Variants in APC observed in about 807,000 individuals in gnomAD.
APC encodes the protein adenomatous polyposis coli protein.
A neutral mutation model predicts 247.0 loss-of-function variants in APC; 72 were observed. The ratio of observed to expected loss-of-function variants is 0.29; its 90% CI spans 0.24 to 0.35. The LOEUF (loss-of-function observed/expected upper bound fraction) is 0.35. APC is among the 10% of genes least tolerant of loss of function. The probability of loss-of-function intolerance (pLI) is 1.00; values close to 1 mark genes in which losing one functional copy is unlikely to be tolerated. For synonymous variants in APC, 1,254 were observed against 1,162.5 expected (o/e 1.08, Z -1.60); for missense variants, 3,400 against 3,360.7 (o/e 1.01, Z -0.29).
intron 9 of APC, among the ~76,000 whole-genome samples, 197 bp downstream of exon 9, chr5:112,815,790 A>C (rs528916869): frequency 3.3e-5 from 5 of 152,252 alleles, no homozygotes; most frequent in African/African-American, 1.2e-4. Flanking sequence ...ACAAAAATTT[A>C]GCCAGTGTGG....
Position 112,841,053 on chromosome 5 carries a change from C to T in APC, c.5459C>T (p.Ser1820Phe), listed in dbSNP as rs879367927. Residue 1820 changes from serine (S) to phenylalanine (F), a missense_variant, in exon 16 of 16, where the codon TCC (serine) becomes TTC (phenylalanine). Around this residue, in one of 9 missense-constraint regions of APC, gnomAD observed 1,788 missense variants for 1,649.5 expected, o/e 1.08. Coordinates refer to ENST00000257430, the MANE Select transcript of APC (RefSeq NM_000038.6). The surrounding 1 kb of genome is among the most constrained non-coding windows in gnomAD (Gnocchi z 4.6). The part of the protein sequence containing the change: ...DSKKQNLKNN[S>F]KVFNDKLPNN... ...AAGAAACAGAATTTGAAAAATAATT[C>T]CAAGGTCTTCAATGATAAGCTCCCA... The T allele has an allele frequency of 6.2e-6, 10 of 1,611,850 alleles. No individual in the cohort carries two copies. Among genetic ancestry groups the T allele is most frequent in the Non-Finnish European group, 8.5e-6 (10 of 1,178,124 alleles).
chr5:112,824,070 T>C (rs1763406152), intron 11 of APC, among the ~76,000 whole-genome samples: 1 of 152,372 alleles, frequency 6.6e-6, no homozygotes, highest in South Asian at 2.1e-4. Flanking sequence ...TTTAAAATTA[T>C]CAGTCTTTCT....
At position 112,753,921 on chromosome 5, in the gene APC, T is replaced by C. The variant is rs145308873; in HGVS notation, c.-18-952T>C. Reference sequence around the variant, plus strand: ...GGATTTTATTTGTTCCAAAATGATTTGACCTAAACTAAAAAGAGAATGTGG... The same window carrying C: ...GGATTTTATTTGTTCCAAAATGATTCGACCTAAACTAAAAAGAGAATGTGG... On this transcript the variant is annotated intron_variant, in intron 1 of 15. Coordinates refer to ENST00000257430, the MANE Select transcript of APC (RefSeq NM_000038.6). Among the ~76,000 whole-genome samples the C allele has an allele frequency of 2.6e-3, 398 of 152,338 alleles. No individual in the cohort carries two copies. The highest frequency in any genetic ancestry group is 4.6e-3 in the African/African-American group (190 of 41,582).
chr5:112,826,189 C>T (rs924372389), intron 11 of APC, among the ~76,000 whole-genome samples: 8 of 152,162 alleles, frequency 5.3e-5, no homozygotes, highest in African/African-American at 1.7e-4. Flanking sequence ...AGATGAATGA[C>T]CTAATTAGAC....
chr5:112,839,763 T>G lies in APC; in HGVS notation c.4169T>G (p.Val1390Gly), dbSNP rs2149908125. ...CTCATGTTTAGCAGATGTACTTCTG[T>G]CAGTTCACTTGATAGTTTTGAGAGT... Reference protein sequence around the residue: ...TPLMFSRCTSVSSLDSFESRS... With the variant: ...TPLMFSRCTSGSSLDSFESRS... The change falls in exon 16 of 16, where the codon GTC becomes GGC. Residue 1390 changes from valine (V) to glycine (G), a missense_variant. Around this residue, in one of 9 missense-constraint regions of APC, gnomAD observed 40 missense variants for 75.6 expected, o/e 0.53. Coordinates refer to ENST00000257430, the MANE Select transcript of APC (RefSeq NM_000038.6). The surrounding 1 kb of genome is among the most constrained non-coding windows in gnomAD (Gnocchi z 5.0). The G allele has an allele frequency of 6.2e-7, 1 of 1,614,106 alleles. No homozygotes were observed. Among genetic ancestry groups the G allele is most frequent in the Non-Finnish European group, 8.5e-7 (1 of 1,180,008 alleles).
chr5:112,757,004 T>C (rs553985249), intron 2 of APC, among the ~76,000 whole-genome samples: 1 of 152,322 alleles, frequency 6.6e-6, no homozygotes, highest in South Asian at 2.1e-4. Flanking sequence ...CTCAAGACTT[T>C]GGAGCATTTC....
intron 8 of APC, chr5:112,810,276 T>A: frequency 2.8e-6 from 1 of 354,840 alleles, no homozygotes; most frequent in Non-Finnish European, 5.5e-6. Context: ...GGAACTCTGA[T>A]GTCACAGCAA....
chr5:112,758,575 C>T lies in APC; in HGVS notation c.135+3550C>T, dbSNP rs530686615. 3.9e-5 allele frequency among the ~76,000 whole-genome samples: 6 copies of T among 152,222 alleles called. No individual in the cohort carries two copies. The East Asian group carries it at 5.8e-4, about 15-fold the overall frequency. On this transcript the variant is annotated intron_variant, in intron 2 of 15. Coordinates refer to ENST00000257430, the MANE Select transcript of APC (RefSeq NM_000038.6). ...CTCCTGACCTCGTGATCCACCGCCT[C>T]GGCCTCCCAAAGTGCTGGGATTACA...
intron 13 of APC, 91 bp downstream of exon 13, chr5:112,828,097 G>A: frequency 1.9e-6 from 2 of 1,037,324 alleles, no homozygotes; most frequent in Non-Finnish European, 2.9e-6. Context: ...GGGCAGTTGT[G>A]CAATCTCAGC....
chr5:112,794,125 TTC>T (rs1298230118), intron 7 of APC, among the ~76,000 whole-genome samples: 1 of 151,944 alleles, frequency 6.6e-6, no homozygotes, highest in Admixed American at 6.6e-5. Context: ...TTTAAAAAGT[TTC>T]TGTCACCCAG....
intron 1 of APC, chr5:112,738,530 A>G (rs1261854896): frequency 1.0e-5 from 10 of 980,068 alleles, no homozygotes; most frequent in Middle Eastern, 5.2e-4. Flanking sequence ...CTGCTTTTGT[A>G]AAACATCTAA....
chr5:112,762,458 G>C (rs1561455934), intron 2 of APC, among the ~76,000 whole-genome samples: 1 of 152,152 alleles, frequency 6.6e-6, no homozygotes, highest in Non-Finnish European at 1.5e-5. Context: ...AGAGGAGAAA[G>C]GATAGATAAA....
At chr5:112,819,431 G>C (rs2149784881) in intron 10 of APC, 87 bp downstream of exon 10, 2 of 1,530,980 alleles carry the variant, frequency 1.3e-6, no homozygotes, top group Non-Finnish European at 9.0e-7. Context: ...TTAATATGCT[G>C]TCTTTATGAC....
intron 1 of APC, among the ~76,000 whole-genome samples, chr5:112,709,452 G>A (rs1334159794): frequency 6.6e-6 from 1 of 152,212 alleles, no homozygotes; most frequent in Non-Finnish European, 1.5e-5. Context: ...GAGCCTGTGT[G>A]TTTTTAGAGC....
At chr5:112,734,812 A>G (rs184556712), upstream of APC, among the ~76,000 whole-genome samples, 329 of 144,038 alleles carry the variant, frequency 2.3e-3, no homozygotes, top group Non-Finnish European at 3.5e-3. Flanking sequence ...TTTTTTTGAG[A>G]TAGAGTCTTG....
At position 112,845,314 on chromosome 5, in the gene APC, C is replaced by T. The variant is rs537762138; in HGVS notation, c.*1188C>T. ...AGCAATGCAAGCAGCCTAGCACAGA[C>T]TAAGCATTGAGCATAATAGGCCCAC... On this transcript the variant is annotated 3_prime_UTR_variant, in exon 16 of 16. Transcript: ENST00000257430. The T allele has an allele frequency of 3.0e-5, 7 of 232,670 alleles. No homozygotes were observed. Among genetic ancestry groups the T allele is most frequent in the Non-Finnish European group, 6.0e-5 (7 of 117,476 alleles). The allele number at this position is 232,670 out of a possible 1,614,324, so 14.4% of individuals were successfully genotyped here. A position where few individuals can be genotyped will look rare whatever the true frequency, so the allele number is the denominator to read the frequency against.
At chr5:112,760,386 T>G (rs1468500802) in intron 2 of APC, among the ~76,000 whole-genome samples, 1 of 152,190 alleles carries the variant, frequency 6.6e-6, no homozygotes, top group Non-Finnish European at 1.5e-5. Context: ...GAAGTCCTGC[T>G]AGAGGGAGAG....
chr5:112,786,572 G>A (rs553903476), intron 6 of APC, among the ~76,000 whole-genome samples: 8 of 152,236 alleles, frequency 5.3e-5, no homozygotes, highest in South Asian at 2.1e-4. Flanking sequence ...GTGGGGTGAA[G>A]GTGTAAGTAC....
At chr5:112,809,755 A>G (rs1414845788) in intron 8 of APC, among the ~76,000 whole-genome samples, 1 of 152,238 alleles carries the variant, frequency 6.6e-6, no homozygotes, top group Non-Finnish European at 1.5e-5. Flanking sequence ...GTAATCCAGC[A>G]CTTTGGGAGG....
Sources: gnomAD v4.1 joint callset for allele counts (sites outside exome capture counted in the v4.1 genomes callset) on GRCh38, gnomAD v4.1.1 for gene constraint, gnomAD v4.1.1 regional missense constraint, Gnocchi (gnomAD v3.1) non-coding constraint, MANE v1.5 for transcripts, NCBI Gene and HGNC (gene_info 2026-07-23, HGNC 2026-07-21) for gene names.